The following MAGI2 variants were observed in gnomAD, a reference collection of about 807,000 sequenced individuals.
MAGI2 encodes the protein membrane-associated guanylate kinase, WW and PDZ domain-containing protein 2.
Under a neutral mutation model 133.3 loss-of-function variants are expected in MAGI2, and 35 were observed. That is an observed-to-expected ratio of 0.26 (90% CI 0.20 to 0.35). The LOEUF is 0.35. MAGI2 is among the 10% of genes least tolerant of loss of function. The pLI, the probability that MAGI2 is intolerant of heterozygous loss-of-function variation, is 1.00. For synonymous variants in MAGI2, 729 were observed against 710.6 expected (o/e 1.03, Z -0.41); for missense variants, 1,636 against 1,863.4 (o/e 0.88, Z 2.25).
chr7:78,237,164 C>T (rs1790637909), intron 10 of MAGI2, among the ~76,000 whole-genome samples: 1 of 152,078 alleles, frequency 6.6e-6, no homozygotes, highest in Non-Finnish European at 1.5e-5. Context: ...TTCTACTGTC[C>T]CTCTTTCACC....
intron 16 of MAGI2, 47 bp from the exon 17 acceptor site, chr7:78,135,253 A>T (rs1214938936): frequency 6.9e-7 from 1 of 1,458,396 alleles, no homozygotes; most frequent in Admixed American, 1.7e-5. Flanking sequence ...TCACCAATAC[A>T]TGTTCTTTCA....
At chr7:78,291,244 G>T (rs996118355) in intron 9 of MAGI2, among the ~76,000 whole-genome samples, 3 of 152,146 alleles carry the variant, frequency 2.0e-5, no homozygotes, top group Non-Finnish European at 4.4e-5. Flanking sequence ...AAATGACAAA[G>T]GAGATATCAC....
chr7:78,187,291 T>G (rs1000163942), intron 12 of MAGI2, among the ~76,000 whole-genome samples: 1 of 152,248 alleles, frequency 6.6e-6, no homozygotes. Flanking sequence ...ATTATTATTA[T>G]TTTGGTCTAT....
intron 3 of MAGI2, among the ~76,000 whole-genome samples, chr7:78,561,279 G>T (rs1306050907): frequency 6.6e-6 from 1 of 152,200 alleles, no homozygotes; most frequent in African/African-American, 2.4e-5. Context: ...GCAAGTACAA[G>T]ATTCTGGGCA....
At chr7:78,251,501 G>C (rs931499264) in intron 10 of MAGI2, 2 of 152,096 alleles carry the variant, frequency 1.3e-5, no homozygotes, top group African/African-American at 4.8e-5. Flanking sequence ...AAAGCCTCCA[G>C]ACTTAAAGAG....
chr7:78,329,152 A>T (rs1788909349), intron 9 of MAGI2, among the ~76,000 whole-genome samples: 1 of 152,192 alleles, frequency 6.6e-6, no homozygotes, highest in Admixed American at 6.5e-5. Context: ...GCAAATCCTC[A>T]GCTGGAGCAT....
intron 2 of MAGI2, among the ~76,000 whole-genome samples, chr7:78,732,630 T>C (rs995182052): frequency 4.6e-5 from 7 of 152,168 alleles, no homozygotes; most frequent in African/African-American, 1.7e-4. Context: ...AAATGTTTAT[T>C]GTAAAATTCT....
At chr7:78,819,862 A>T (rs2151424419) in intron 2 of MAGI2, among the ~76,000 whole-genome samples, 1 of 152,184 alleles carries the variant, frequency 6.6e-6, no homozygotes, top group African/African-American at 2.4e-5. Flanking sequence ...GAGAACTGTT[A>T]GAGTATTTCT....
chr7:78,477,313 A>G (rs1791874483), intron 6 of MAGI2, among the ~76,000 whole-genome samples: 1 of 152,146 alleles, frequency 6.6e-6, no homozygotes, highest in Non-Finnish European at 1.5e-5. Context: ...GGCATAGAAA[A>G]CAACAGAAGC....
At chr7:78,402,806 C>T (rs1797009730) in intron 6 of MAGI2, among the ~76,000 whole-genome samples, 1 of 152,074 alleles carries the variant, frequency 6.6e-6, no homozygotes, top group Admixed American at 6.6e-5. Flanking sequence ...TAAATTTATT[C>T]TCCATATACT....
At chr7:79,311,962 C>T (rs185353357) in intron 1 of MAGI2, among the ~76,000 whole-genome samples, 73 of 152,206 alleles carry the variant, frequency 4.8e-4, no homozygotes, top group Non-Finnish European at 9.6e-4. Context: ...AGAATATCAC[C>T]TCTTACTGCC....
At chr7:79,202,489 G>A (rs1828700580) in intron 1 of MAGI2, among the ~76,000 whole-genome samples, 1 of 151,958 alleles carries the variant, frequency 6.6e-6, no homozygotes, top group Middle Eastern at 3.4e-3. Context: ...AAAGGTTTGG[G>A]ATGTGTTTAT....
chr7:78,450,698 C>A (rs1371194736), intron 6 of MAGI2, among the ~76,000 whole-genome samples: 1 of 151,958 alleles, frequency 6.6e-6, no homozygotes, highest in Non-Finnish European at 1.5e-5. Flanking sequence ...GCACAGATAG[C>A]AAATACAGTC....
chr7:78,189,248 A>G (rs1333904960), intron 12 of MAGI2, among the ~76,000 whole-genome samples: 1 of 152,238 alleles, frequency 6.6e-6, no homozygotes, highest in Non-Finnish European at 1.5e-5. Context: ...ATAGATGTGA[A>G]AAACATAACT....
chr7:79,216,519 G>T (rs187151075), intron 1 of MAGI2, among the ~76,000 whole-genome samples: 40 of 152,038 alleles, frequency 2.6e-4, no homozygotes, highest in African/African-American at 8.5e-4. Context: ...TGTAATACAG[G>T]CCCACTTGAG....
At chr7:78,852,353 T>A (rs182903395) in intron 2 of MAGI2, among the ~76,000 whole-genome samples, 1 of 152,206 alleles carries the variant, frequency 6.6e-6, no homozygotes, top group African/African-American at 2.4e-5. Flanking sequence ...AGTTTTCTCA[T>A]GATTTTTTTC....
chr7:78,054,029 A>G (rs1338039504), intron 21 of MAGI2, among the ~76,000 whole-genome samples: 1 of 152,046 alleles, frequency 6.6e-6, no homozygotes, highest in Non-Finnish European at 1.5e-5. Flanking sequence ...TTTATTTTGT[A>G]CCTTCTCTTT....
intron 6 of MAGI2, among the ~76,000 whole-genome samples, chr7:78,399,044 A>G (rs1796610642): frequency 6.6e-6 from 1 of 152,202 alleles, no homozygotes; most frequent in Non-Finnish European, 1.5e-5. Flanking sequence ...TTTTCTTTCA[A>G]ATATGAGATT....
At chr7:78,896,761 G>C (rs1797250100) in intron 2 of MAGI2, among the ~76,000 whole-genome samples, 1 of 151,674 alleles carries the variant, frequency 6.6e-6, no homozygotes, top group South Asian at 2.1e-4. Flanking sequence ...TAGAGAAGGG[G>C]TTTCACCTGC....
Sources: gnomAD v4.1 joint callset for allele counts (sites outside exome capture counted in the v4.1 genomes callset) on GRCh38, gnomAD v4.1.1 for gene constraint, MANE v1.5 for transcripts, NCBI Gene and HGNC (gene_info 2026-07-23, HGNC 2026-07-21) for gene names.